Variants in LOC128462377 observed in about 807,000 individuals in gnomAD.
chr16:89,361,127 C>T, the LOC128462377 span, among the ~76,000 whole-genome samples: 1 of 152,204 alleles, frequency 6.6e-6, no homozygotes, highest in Non-Finnish European at 1.5e-5. Context: ...ATTACAGACA[C>T]CCTGGCTAGG....
the LOC128462377 span, among the ~76,000 whole-genome samples, chr16:89,387,692 G>GAAAA: frequency 4.4e-5 from 3 of 67,494 alleles, no homozygotes; most frequent in African/African-American, 1.6e-4. Flanking sequence ...AAAAGAAAAA[G>GAAAA]AAAAAAAAAA....
At chr16:89,407,961 G>C in the LOC128462377 span, among the ~76,000 whole-genome samples, 1 of 151,896 alleles carries the variant, frequency 6.6e-6, no homozygotes, top group South Asian at 2.1e-4. Context: ...AAGTTTTTAA[G>C]TAAAGAACAA....
the LOC128462377 span, among the ~76,000 whole-genome samples, chr16:89,344,284 G>A: frequency 6.6e-6 from 1 of 152,100 alleles, no homozygotes; most frequent in African/African-American, 2.4e-5. Flanking sequence ...AGCCTCTAAC[G>A]AGCCTCAGCT....
the LOC128462377 span, among the ~76,000 whole-genome samples, chr16:89,370,437 C>T: frequency 6.6e-6 from 1 of 152,290 alleles, no homozygotes; most frequent in East Asian, 1.9e-4. Context: ...TGCCGTTATC[C>T]AGGGCAAAGA....
chr16:89,401,690 T>C, the LOC128462377 span, among the ~76,000 whole-genome samples: 3 of 152,218 alleles, frequency 2.0e-5, no homozygotes, highest in East Asian at 3.9e-4. Context: ...ACATGGTCTT[T>C]GCAGATGATC....
the LOC128462377 span, among the ~76,000 whole-genome samples, chr16:89,375,534 G>C: frequency 6.6e-6 from 1 of 151,650 alleles, no homozygotes; most frequent in East Asian, 1.9e-4. Context: ...ATCTTGGCTC[G>C]CTGCAACCTC....
chr16:89,359,353 T>TTA, the LOC128462377 span, among the ~76,000 whole-genome samples: 1 of 152,130 alleles, frequency 6.6e-6, no homozygotes, highest in Non-Finnish European at 1.5e-5. Context: ...GTACAGCCCT[T>TTA]TAAAAAGCAG....
the LOC128462377 span, among the ~76,000 whole-genome samples, chr16:89,369,930 C>A: frequency 6.6e-6 from 1 of 152,178 alleles, no homozygotes; most frequent in African/African-American, 2.4e-5. Flanking sequence ...CAAACAAAAA[C>A]CAAACACGGG....
At chr16:89,319,688 G>A in the LOC128462377 span, among the ~76,000 whole-genome samples, 2 of 152,254 alleles carry the variant, frequency 1.3e-5, no homozygotes, top group African/African-American at 2.4e-5. Context: ...ATGTCCTGCT[G>A]AAGCATCTGC....
At chr16:89,416,671 T>G in the LOC128462377 span, among the ~76,000 whole-genome samples, 6 of 151,110 alleles carry the variant, frequency 4.0e-5, no homozygotes, top group African/African-American at 1.5e-4. Flanking sequence ...GGCTCACACC[T>G]GTAATCCCAG....
the LOC128462377 span, among the ~76,000 whole-genome samples, chr16:89,386,299 T>C: frequency 2.6e-5 from 4 of 152,276 alleles, no homozygotes; most frequent in African/African-American, 4.8e-5. Flanking sequence ...AGCTTGATTA[T>C]TAAGACAGAC....
chr16:89,360,187 T>C, the LOC128462377 span, among the ~76,000 whole-genome samples: 1 of 152,242 alleles, frequency 6.6e-6, no homozygotes, highest in Non-Finnish European at 1.5e-5. Context: ...GTTAGTTTGC[T>C]GAGGCTAATA....
chr16:89,401,174 ACCTCTG>A, the LOC128462377 span, among the ~76,000 whole-genome samples: 6 of 141,416 alleles, frequency 4.2e-5, no homozygotes, highest in Non-Finnish European at 9.0e-5. Flanking sequence ...ACTCATTGCA[ACCTCTG>A]CCTCCCAAGT....
At chr16:89,405,129 G>C in the LOC128462377 span, among the ~76,000 whole-genome samples, 2 of 152,078 alleles carry the variant, frequency 1.3e-5, no homozygotes, top group Admixed American at 1.3e-4. Flanking sequence ...GTGGAGGCGA[G>C]GTTGCGGTGA....
At chr16:89,342,175 C>T in the LOC128462377 span, among the ~76,000 whole-genome samples, 1 of 152,242 alleles carries the variant, frequency 6.6e-6, no homozygotes, top group Non-Finnish European at 1.5e-5. Flanking sequence ...GGCCTCAAAG[C>T]ACAACACAGG....
At chr16:89,332,742 C>A in the LOC128462377 span, among the ~76,000 whole-genome samples, 1 of 152,220 alleles carries the variant, frequency 6.6e-6, no homozygotes, top group Non-Finnish European at 1.5e-5. Context: ...GAGGAAAGTG[C>A]CCCGCTGCCC....
At chr16:89,320,487 A>ACGCAGAGC in the LOC128462377 span, 12 of 152,262 alleles carry the variant, frequency 7.9e-5, no homozygotes, top group African/African-American at 2.7e-4. Flanking sequence ...GGGAAGGTAA[A>ACGCAGAGC]CGCAGAGCCG....
the LOC128462377 span, among the ~76,000 whole-genome samples, chr16:89,383,290 T>C: frequency 1.3e-5 from 2 of 152,306 alleles, no homozygotes; most frequent in African/African-American, 4.8e-5. Context: ...GCCATTAGGA[T>C]TTCCAGGGAA....
chr16:89,355,391 A>G, the LOC128462377 span, among the ~76,000 whole-genome samples: 55 of 152,330 alleles, frequency 3.6e-4, no homozygotes, highest in African/African-American at 1.3e-3. Flanking sequence ...AGAAGAGCTG[A>G]TTAAGTTTCT....
Sources: allele counts gnomAD v4.1 joint callset (sites outside exome capture counted in the v4.1 genomes callset), GRCh38; gene constraint gnomAD v4.1.1; transcripts MANE v1.5.